The following NCKAP5 variants were observed in gnomAD, a reference collection of about 807,000 sequenced individuals.
NCKAP5 encodes the protein nck-associated protein 5.
Under a neutral mutation model 167.0 loss-of-function variants are expected in NCKAP5, and 92 were observed. The ratio of observed to expected loss-of-function variants is 0.55; its 90% CI spans 0.47 to 0.66. The LOEUF (loss-of-function observed/expected upper bound fraction) is 0.66. Ranked by LOEUF, NCKAP5 falls within the 30% of genes least tolerant of loss-of-function variation. NCKAP5 has a pLI of 0.00. For synonymous variants in NCKAP5, 891 were observed against 877.4 expected (o/e 1.02, Z -0.27); for missense variants, 2,378 against 2,315.0 (o/e 1.03, Z -0.56).
At chr2:133,361,001 G>A (rs1337301058) in intron 3 of NCKAP5, among the ~76,000 whole-genome samples, 1 of 151,266 alleles carries the variant, frequency 6.6e-6, no homozygotes, top group Non-Finnish European at 1.5e-5. Flanking sequence ...AGAAATCAAT[G>A]GGCAGACCCA....
At chr2:132,998,277 A>G (rs1400364310) in intron 6 of NCKAP5, among the ~76,000 whole-genome samples, 1 of 152,210 alleles carries the variant, frequency 6.6e-6, no homozygotes, top group Admixed American at 6.5e-5. Context: ...AAAAAGAAAA[A>G]TATCTATTCA....
intron 3 of NCKAP5, among the ~76,000 whole-genome samples, chr2:133,476,735 C>G (rs62177704): frequency 0.069 from 10,438 of 152,248 alleles, 422 homozygotes; most frequent in African/African-American, 0.074. Flanking sequence ...TTCCCCCTTT[C>G]TCGTGGAATA....
At chr2:132,968,624 A>T (rs1018736429) in intron 7 of NCKAP5, among the ~76,000 whole-genome samples, 4 of 152,214 alleles carry the variant, frequency 2.6e-5, no homozygotes, top group Non-Finnish European at 5.9e-5. Context: ...AGCAGAAATG[A>T]CAAGAGAACA....
intron 6 of NCKAP5, among the ~76,000 whole-genome samples, chr2:133,067,559 T>C (rs1028742698): frequency 2.0e-5 from 3 of 152,122 alleles, no homozygotes; most frequent in Non-Finnish European, 4.4e-5. Context: ...AAATCCAATA[T>C]GGTGGATAGG....
intron 4 of NCKAP5, among the ~76,000 whole-genome samples, chr2:133,257,485 A>T (rs1214604246): frequency 6.9e-6 from 1 of 145,130 alleles, no homozygotes; most frequent in Non-Finnish European, 1.5e-5. Context: ...AAACTAAGAC[A>T]CTTACGATAA....
At chr2:133,258,407 G>A (rs2088728232) in intron 4 of NCKAP5, among the ~76,000 whole-genome samples, 1 of 152,104 alleles carries the variant, frequency 6.6e-6, no homozygotes, top group African/African-American at 2.4e-5. Flanking sequence ...CATTTCCTAA[G>A]ATAGCCTCTA....
At chr2:132,840,457 A>G (rs866686957) in intron 11 of NCKAP5, among the ~76,000 whole-genome samples, 1 of 152,012 alleles carries the variant, frequency 6.6e-6, no homozygotes, top group Non-Finnish European at 1.5e-5. Context: ...TTGTATTTTT[A>G]GTAGAAATGG....
intron 3 of NCKAP5, among the ~76,000 whole-genome samples, chr2:133,399,487 T>C (rs944303135): frequency 1.4e-4 from 21 of 152,158 alleles, no homozygotes; most frequent in African/African-American, 4.6e-4. Context: ...ATTCTGTACA[T>C]ATAGATAGGC....
chr2:133,470,966 C>T (rs947135006), intron 3 of NCKAP5, among the ~76,000 whole-genome samples: 18 of 152,224 alleles, frequency 1.2e-4, no homozygotes, highest in African/African-American at 3.9e-4. Context: ...AGAAATCACC[C>T]GTCTTCTGCA....
At chr2:133,041,052 G>C (rs1016663719) in intron 6 of NCKAP5, among the ~76,000 whole-genome samples, 2 of 152,184 alleles carry the variant, frequency 1.3e-5, no homozygotes, top group Non-Finnish European at 1.5e-5. Context: ...CCTAAGAATA[G>C]TGATGATTTT....
chr2:133,554,844 G>T (rs1175321488), intron 2 of NCKAP5, among the ~76,000 whole-genome samples: 1 of 152,114 alleles, frequency 6.6e-6, no homozygotes, highest in African/African-American at 2.4e-5. Flanking sequence ...GGCAAGGGGG[G>T]AAACTGAAGT....
rs1690580079 is a variant in NCKAP5 at position 132,868,971 on chromosome 2, C to T, written c.652G>A (p.Ala218Thr). The stretch of plus-strand genomic sequence containing the variant: ...AGCAGAGCTTGAACAACTTGGTTGG[C>T]TACCTTTAAAAAATAAAGAAAAAGT... ...EQYERCLDEV[A>T]NQVVQALLTQ... The change falls in exon 10 of 20, where the codon GCC becomes ACC. Residue 218 changes from alanine to threonine, a missense_variant. Transcript: ENST00000409261. 3.9e-6 allele frequency: 6 copies of T among 1,542,150 alleles called. No individual in the cohort carries two copies. Among genetic ancestry groups the T allele is most frequent in the East Asian group, 4.9e-5 (2 of 40,974 alleles).
At chr2:132,687,674 G>C (rs1686124875) in intron 19 of NCKAP5, among the ~76,000 whole-genome samples, 1 of 146,218 alleles carries the variant, frequency 6.8e-6, no homozygotes, top group Non-Finnish European at 1.5e-5. Context: ...GGAGAAAGAT[G>C]TTTAAATTCA....
intron 11 of NCKAP5, among the ~76,000 whole-genome samples, chr2:132,827,313 G>T (rs1343042552): frequency 2.0e-5 from 3 of 152,004 alleles, no homozygotes; most frequent in Non-Finnish European, 4.4e-5. Context: ...TAATCCAGTG[G>T]CATTAAGCAT....
At chr2:133,126,143 C>T (rs2082397660) in intron 6 of NCKAP5, among the ~76,000 whole-genome samples, 2 of 152,196 alleles carry the variant, frequency 1.3e-5, no homozygotes, top group African/African-American at 4.8e-5. Context: ...ATCCTGACAC[C>T]TGAACTCTAC....
Position 132,785,260 on chromosome 2 carries a change from G to C in NCKAP5, c.1551C>G (p.Asn517Lys). The C allele has an allele frequency of 6.3e-7, 1 of 1,576,336 alleles. No homozygotes were observed. Reference sequence around the variant, plus strand: ...ATGTGCCTTCCAGAAAGTGTTTTCTGTTTGTCTCCCAGCCAAACAGACTGT... The same window carrying C: ...ATGTGCCTTCCAGAAAGTGTTTTCTCTTTGTCTCCCAGCCAAACAGACTGT... ...VSDSLFGWET[N>K]RKHFLEGTSS... Residue 517 changes from asparagine to lysine, a missense_variant, in exon 14 of 20, where the codon AAC becomes AAG. By Grantham distance (94) the Asn-to-Lys change is moderately conservative. Transcript: ENST00000409261.
At chr2:133,318,421 T>C (rs2150656871) in intron 3 of NCKAP5, among the ~76,000 whole-genome samples, 1 of 152,336 alleles carries the variant, frequency 6.6e-6, no homozygotes, top group East Asian at 1.9e-4. Context: ...AGATATCTTG[T>C]GGTACAAAAT....
At chr2:133,222,369 CAA>C (rs1261087911) in intron 4 of NCKAP5, among the ~76,000 whole-genome samples, 1 of 151,908 alleles carries the variant, frequency 6.6e-6, no homozygotes, top group Non-Finnish European at 1.5e-5. Flanking sequence ...TATACTTCTG[CAA>C]AAGTCTTTAA....
rs143133869 is a variant in NCKAP5, at chr2:133,027,149, C to T, written c.342-32910G>A. 4.2e-4 allele frequency among the ~76,000 whole-genome samples: 64 copies of T among 152,300 alleles called. 2 individuals are homozygous for T. The East Asian group carries it at 0.012, about 28-fold the overall frequency. On this transcript the variant is annotated intron_variant, in intron 6 of 19. Coordinates refer to ENST00000409261, the MANE Select transcript of NCKAP5 (RefSeq NM_207363.3). ...CTCCCTGTACCTACTTCCCCCATGA[C>T]CTGGTAACCATTAATATGACTATGA...
Sources: allele counts gnomAD v4.1 joint callset (sites outside exome capture counted in the v4.1 genomes callset), GRCh38; gene constraint gnomAD v4.1.1; transcripts MANE v1.5; gene names NCBI Gene and HGNC (gene_info 2026-07-23, HGNC 2026-07-21).